The following CD226 variants were observed in gnomAD, a reference collection of about 807,000 sequenced individuals.
CD226 encodes the protein CD226 antigen.
CD226 carries 24 observed loss-of-function variants against 34.9 expected under a neutral mutation model. The observed-to-expected ratio is 0.69, with a 90% CI of 0.50 to 0.97. CD226 has a LOEUF of 0.97. Among genes scored for constraint, CD226 ranks in the 50% least tolerant of loss-of-function variants. CD226 has a pLI of 0.00. For missense variants in CD226, 397 were observed against 412.7 expected (o/e 0.96, Z 0.33); for synonymous variants, 148 against 147.4 (o/e 1.00, Z -0.03).
chr18:69,941,402 A>G (rs1449418092), intron 2 of CD226, among the ~76,000 whole-genome samples: 1 of 152,248 alleles, frequency 6.6e-6, no homozygotes, highest in Non-Finnish European at 1.5e-5. Flanking sequence ...AGCAGCCAAG[A>G]GGGGAGGCTG....
At chr18:69,866,281 C>CT (rs376554478) in intron 5 of CD226, among the ~76,000 whole-genome samples, 5 of 152,142 alleles carry the variant, frequency 3.3e-5, no homozygotes, top group African/African-American at 1.2e-4. Flanking sequence ...TCCATAGCAA[C>CT]TTTTTTTGTG....
chr18:69,858,718 CTTTTTTTTTTTTTT>C lies in CD226; in HGVS notation c.*5582_*5595del, dbSNP rs71178826. The C allele has an allele frequency of 1.8e-4, 8 of 44,974 alleles. No homozygotes were observed. In the East Asian group the frequency reaches 4.9e-3, roughly 27 times the overall value. The allele number at this position is 44,974 out of a possible 1,614,324, so 2.8% of individuals were successfully genotyped here. A position where few individuals can be genotyped will look rare whatever the true frequency, so the allele number is the denominator to read the frequency against. On this transcript the variant is annotated 3_prime_UTR_variant, in exon 6 of 6. Transcript: ENST00000582621. ...GCCACCCCTATGTTCAAATACTTAACTTTTTTTTTTTTTTTTTTTTTTTTTTTTTGAGACGGAGT... is the reference window on the plus strand; with the variant it reads ...GCCACCCCTATGTTCAAATACTTAACTTTTTTTTTTTTTTTGAGACGGAGT...
At chr18:69,922,303 A>G (rs2055461669) in intron 2 of CD226, among the ~76,000 whole-genome samples, 1 of 152,148 alleles carries the variant, frequency 6.6e-6, no homozygotes, top group Non-Finnish European at 1.5e-5. Flanking sequence ...ATTTTTTGAG[A>G]TAGGGTCTCA....
At position 69,862,659 on chromosome 18, in the gene CD226, C is replaced by T. The variant is rs1482749180; in HGVS notation, c.*1655G>A. 1 of 151,318 alleles carries T rather than the reference C, an allele frequency of 6.6e-6. No homozygotes were observed. Among genetic ancestry groups the T allele is most frequent in the Non-Finnish European group, 1.5e-5 (1 of 67,832 alleles). 9.4% of individuals were successfully genotyped at this position (151,318 alleles called of 1,614,324 possible). On this transcript the variant is annotated 3_prime_UTR_variant, in exon 6 of 6. Coordinates refer to ENST00000582621, the MANE Select transcript of CD226 (RefSeq NM_001303618.2). ...TAATTCACAGAAATGTGGGCACTTA[C>T]CATTTCTGTAATTCACAAAACAAGT...
At chr18:69,918,040 G>A (rs542414015) in intron 2 of CD226, among the ~76,000 whole-genome samples, 83 of 152,288 alleles carry the variant, frequency 5.5e-4, no homozygotes, top group African/African-American at 1.7e-3. Context: ...CACCAAGCAA[G>A]GAGAAGGGCA....
chr18:69,875,191 T>G (rs1376647570), intron 3 of CD226, among the ~76,000 whole-genome samples: 2 of 152,168 alleles, frequency 1.3e-5, no homozygotes, highest in Non-Finnish European at 2.9e-5. Flanking sequence ...CAGGCTGGAG[T>G]GCAGTGGCAC....
rs1373104464 is a variant in CD226 at position 69,853,364 on chromosome 18, G to A, written c.*10950C>T. The A allele has an allele frequency of 6.6e-6, 1 of 152,050 alleles. No homozygotes were observed. The highest frequency in any genetic ancestry group is 1.5e-5 in the Non-Finnish European group (1 of 68,000). 9.4% of individuals were successfully genotyped at this position (152,050 alleles called of 1,614,324 possible). ...ACAAACGTTGCATAAAAGGCCTCAG[G>A]ACGTATAGACCTTCTGCCCTCTGTT... is the stretch of plus-strand genomic sequence containing the variant. On this transcript the variant is annotated 3_prime_UTR_variant, in exon 6 of 6. Coordinates refer to ENST00000582621, the MANE Select transcript of CD226 (RefSeq NM_001303618.2).
chr18:69,906,434 A>G (rs1049241519), intron 2 of CD226, among the ~76,000 whole-genome samples: 1 of 152,230 alleles, frequency 6.6e-6, no homozygotes, highest in African/African-American at 2.4e-5. Context: ...TGCAGGCAAA[A>G]GACATGACCT....
intron 2 of CD226, among the ~76,000 whole-genome samples, chr18:69,923,437 C>A (rs985551602): frequency 6.6e-6 from 1 of 152,094 alleles, no homozygotes; most frequent in African/African-American, 2.4e-5. Context: ...TCTTTTTATC[C>A]CTGCCTTACC....
At chr18:69,900,702 G>A (rs1408733371) in intron 2 of CD226, among the ~76,000 whole-genome samples, 2 of 143,982 alleles carry the variant, frequency 1.4e-5, no homozygotes, top group Non-Finnish European at 1.5e-5. Flanking sequence ...ACTGCAGTCC[G>A]CAGTCCGGCC....
chr18:69,946,212 G>A, intron 2 of CD226, among the ~76,000 whole-genome samples: 19 of 109,528 alleles, frequency 1.7e-4, no homozygotes, highest in Middle Eastern at 4.8e-3. Flanking sequence ...AAAAAAAGAA[G>A]GAAGAAGAAA....
intron 1 of CD226, among the ~76,000 whole-genome samples, chr18:69,955,444 C>G (rs2055887888): frequency 6.6e-6 from 1 of 152,170 alleles, no homozygotes; most frequent in Non-Finnish European, 1.5e-5. Flanking sequence ...AAACTCAGAA[C>G]AAGTGACTGG....
chr18:69,927,756 CAT>C (rs772053246), intron 2 of CD226, among the ~76,000 whole-genome samples: 1 of 152,160 alleles, frequency 6.6e-6, no homozygotes, highest in South Asian at 2.1e-4. Flanking sequence ...ATATATTCTA[CAT>C]GTTACATACA....
intron 3 of CD226, among the ~76,000 whole-genome samples, chr18:69,892,995 C>T (rs553679040): frequency 1.3e-5 from 2 of 152,244 alleles, no homozygotes; most frequent in East Asian, 3.9e-4. Context: ...TGATTTTTGA[C>T]CAAAGAGCCT....
intron 2 of CD226, among the ~76,000 whole-genome samples, chr18:69,911,033 T>G (rs1048344137): frequency 1.3e-5 from 2 of 152,170 alleles, no homozygotes; most frequent in Non-Finnish European, 2.9e-5. Flanking sequence ...AGGCCATAAA[T>G]AGCAAACTGG....
chr18:69,899,366 T>C (rs2145255138), intron 2 of CD226, among the ~76,000 whole-genome samples: 1 of 152,358 alleles, frequency 6.6e-6, no homozygotes, highest in African/African-American at 2.4e-5. Flanking sequence ...GTCATTTTAC[T>C]GTCAGCTTCG....
At chr18:69,901,942 G>A (rs568049563) in intron 2 of CD226, among the ~76,000 whole-genome samples, 18 of 151,900 alleles carry the variant, frequency 1.2e-4, no homozygotes, top group African/African-American at 4.1e-4. Flanking sequence ...AACCTAAATT[G>A]GAGTCCCTGC....
At chr18:69,867,824 C>A (rs1462566226) in intron 4 of CD226, among the ~76,000 whole-genome samples, 1 of 152,030 alleles carries the variant, frequency 6.6e-6, no homozygotes, top group Non-Finnish European at 1.5e-5. Flanking sequence ...TTTATAAAAT[C>A]TTTTGGGTGT....
chr18:69,956,950 G>GC (rs2055903163), exon 1 of CD226: 1 of 152,196 alleles, frequency 6.6e-6, no homozygotes, highest in Non-Finnish European at 1.5e-5. Context: ...AGCTGACTCT[G>GC]CCCATGCTCT....
Sources: gnomAD v4.1 joint callset for allele counts (sites outside exome capture counted in the v4.1 genomes callset) on GRCh38, gnomAD v4.1.1 for gene constraint, MANE v1.5 for transcripts, NCBI Gene and HGNC (gene_info 2026-07-23, HGNC 2026-07-21) for gene names.